The following TMEM25 variants were observed in gnomAD, a reference collection of about 807,000 sequenced individuals.
TMEM25 encodes the protein 0610039J01Rik.
Under a neutral mutation model 37.0 loss-of-function variants are expected in TMEM25, and 36 were observed. That is an observed-to-expected ratio of 0.97 (90% CI 0.75 to 1.28). TMEM25 has a LOEUF of 1.28. Among genes scored for constraint, TMEM25 ranks in the 50% most tolerant of loss-of-function variants. TMEM25 has a pLI of 0.00. For synonymous variants in TMEM25, 197 were observed against 203.7 expected, an observed-to-expected ratio of 0.97 and a Z score of 0.28; for missense variants, 444 against 477.9, an observed-to-expected ratio of 0.93 and a Z score of 0.66.
Position 118,534,218 on chromosome 11 carries a change from T to C in TMEM25, c.938-48T>C, listed in dbSNP as rs376513526. 1.2e-4 allele frequency: 201 copies of C among 1,613,660 alleles called. No individual in the cohort carries two copies. In the African/African-American group the frequency reaches 2.5e-3, roughly 20 times the overall value. ...CTTGGTGCTTGGGAGGGGCGAGGCC[T>C]CATCAGGCACACTCCTCGTCCTGAA... is the stretch of plus-strand genomic sequence containing the variant. On this transcript the variant is annotated intron_variant, in intron 7 of 8. Coordinates refer to ENST00000313236, the MANE Select transcript of TMEM25 (RefSeq NM_032780.4). The surrounding 1 kb of genome is among the most constrained non-coding windows in gnomAD (Gnocchi z 4.6).
In TMEM25 at chr11:118,533,645, C is replaced by G. The variant is rs78082393; in HGVS notation, c.805+94C>G. On this transcript the variant is annotated intron_variant, in intron 5 of 8. Transcript: ENST00000313236. ...GCTGGGCAGAACCAGTCATCTCTGA[C>G]GGTGGCAGAGCACTTCCAGGGGGTG... 1.6e-3 allele frequency: 2,502 copies of G among 1,604,322 alleles called. 31 individuals are homozygous for G. In the African/African-American group the frequency reaches 0.029, roughly 18 times the overall value.
chr11:118,547,256 A>G (rs1335035245), downstream of TMEM25: 1 of 152,212 alleles, frequency 6.6e-6, no homozygotes, highest in Non-Finnish European at 1.5e-5. Context: ...GAAGAACAAA[A>G]TAAGTAAATA....
chr11:118,531,605 GGTCTGTGCCTTTGGGCTTTGCCGTTCGT>G (rs1372819129), intron 1 of TMEM25, 142 bp from the exon 2 acceptor site: 40 of 593,876 alleles, frequency 6.7e-5, no homozygotes, highest in Middle Eastern at 2.6e-4. Context: ...CTGCTGGGTG[GGTCTGTGCCTTTGGGCTTTGCCGTTCGT>G]GTCCGTGCCT....
At chr11:118,536,641 G>A (rs1471513846), downstream of TMEM25, among the ~76,000 whole-genome samples, 1 of 152,108 alleles carries the variant, frequency 6.6e-6, no homozygotes. Flanking sequence ...CCCAATGGCC[G>A]GATTGGCATT....
intron 2 of TMEM25, 103 bp downstream of exon 2, chr11:118,531,974 C>T (rs1355472079): frequency 5.6e-6 from 8 of 1,430,524 alleles, no homozygotes; most frequent in Non-Finnish European, 6.6e-6. Context: ...GCCCCAAGCC[C>T]TGGAGTCCCT....
exon 9 of TMEM25, chr11:118,546,240 G>GT: frequency 1.4e-6 from 1 of 708,988 alleles, no homozygotes; most frequent in East Asian, 2.7e-5. Context: ...CTTCACGCCT[G>GT]TAATACCAGC....
intron 8 of TMEM25, among the ~76,000 whole-genome samples, chr11:118,541,784 G>T (rs149496217): frequency 4.2e-4 from 64 of 151,984 alleles, no homozygotes; most frequent in African/African-American, 1.4e-3. Flanking sequence ...TTAAGACAGG[G>T]TCTCATTCTG....
chr11:118,535,251 A>T lies in TMEM25; in HGVS notation c.*671A>T, dbSNP rs1302298453. 7.6e-6 allele frequency: 9 copies of T among 1,189,992 alleles called. No individual in the cohort carries two copies. The highest frequency in any genetic ancestry group is 9.4e-6 in the Non-Finnish European group (9 of 959,456). The allele number at this position is 1,189,992 out of a possible 1,614,324, so 73.7% of individuals were successfully genotyped here. A position where few individuals can be genotyped will look rare whatever the true frequency, so the allele number is the denominator to read the frequency against. ...CTTCTCTACTACTTCACTGGGCACTAGACTTTTCTATTGGCCTGTGCCATC... is the reference window on the plus strand; with the variant it reads ...CTTCTCTACTACTTCACTGGGCACTTGACTTTTCTATTGGCCTGTGCCATC... On this transcript the variant is annotated 3_prime_UTR_variant, in exon 9 of 9. Transcript: ENST00000313236.
At chr11:118,547,006 A>G (rs903123551), downstream of TMEM25, 8 of 152,222 alleles carry the variant, frequency 5.3e-5, no homozygotes, top group Non-Finnish European at 1.2e-4. Flanking sequence ...ATTTAACAAC[A>G]TATCACTGAT....
At chr11:118,532,014 A>G (rs1396390090) in intron 2 of TMEM25, 136 bp from the exon 3 acceptor site, 1 of 1,362,584 alleles carries the variant, frequency 7.3e-7, no homozygotes. Context: ...CCTAGGTCCA[A>G]CCAGCCAGTC....
chr11:118,538,148 C>A (rs1228839144), downstream of TMEM25, among the ~76,000 whole-genome samples: 4 of 152,062 alleles, frequency 2.6e-5, no homozygotes, highest in African/African-American at 7.2e-5. Context: ...TTCTCCTCAT[C>A]CTCATCAATA....
chr11:118,545,008 A>C (rs1555066698), intron 8 of TMEM25: 2 of 1,608,554 alleles, frequency 1.2e-6, no homozygotes, highest in African/African-American at 2.7e-5. Flanking sequence ...AGAGCTTTAA[A>C]ATGCTGCAAG....
Position 118,534,760 on chromosome 11 carries a change from C to A in TMEM25, c.*180C>A. On this transcript the variant is annotated 3_prime_UTR_variant, in exon 9 of 9. Coordinates refer to ENST00000313236, the MANE Select transcript of TMEM25 (RefSeq NM_032780.4). The surrounding 1 kb of genome is among the most constrained non-coding windows in gnomAD (Gnocchi z 4.6). ...TGATGCATTTCACTGGGCTGTAACC[C>A]GCAGGGGCACAGGTATCTTTGGCAA... is the stretch of plus-strand genomic sequence containing the variant. The A allele has an allele frequency of 7.0e-7, 1 of 1,425,554 alleles. No homozygotes were observed. The highest frequency in any genetic ancestry group is 1.5e-5 in the South Asian group (1 of 65,656). The allele number at this position is 1,425,554 out of a possible 1,614,324, so 88.3% of individuals were successfully genotyped here. A position where few individuals can be genotyped will look rare whatever the true frequency, so the allele number is the denominator to read the frequency against.
chr11:118,540,178 C>T (rs1260920286), downstream of TMEM25, among the ~76,000 whole-genome samples: 1 of 151,756 alleles, frequency 6.6e-6, no homozygotes, highest in East Asian at 2.0e-4. Context: ...GGCGCAATCT[C>T]GGCTCACTGC....
At chr11:118,536,250 A>G (rs1328566573), downstream of TMEM25, among the ~76,000 whole-genome samples, 1 of 148,162 alleles carries the variant, frequency 6.7e-6, no homozygotes, top group African/African-American at 2.5e-5. Flanking sequence ...CTGGAGTGCA[A>G]TGGCGTGATC....
rs140936953 is a variant in TMEM25 at position 118,533,010 on chromosome 11, C to T, written c.476C>T (p.Pro159Leu). The T allele has an allele frequency of 5.6e-6, 9 of 1,614,216 alleles. No homozygotes were observed. The highest frequency in any genetic ancestry group is 5.5e-5 in the South Asian group (5 of 91,090). ...VVLFALVRAN[P>L]PANVTWIDQD... is the part of the protein sequence containing the mutation. Reference sequence around the variant, plus strand: ...CTGTTTGCCCTGGTGCGTGCCAACCCGCCGGCCAATGTCACCTGGATCGAC... The same window carrying T: ...CTGTTTGCCCTGGTGCGTGCCAACCTGCCGGCCAATGTCACCTGGATCGAC... Residue 159 changes from proline to leucine, a missense_variant, in exon 4 of 9, where the codon CCG becomes CTG. Transcript: ENST00000313236.
At position 118,534,445 on chromosome 11, in the gene TMEM25, A is replaced by C; in HGVS notation, c.1028-62A>C. 1 of 1,611,248 alleles carries C rather than the reference A, an allele frequency of 6.2e-7. No individual in the cohort carries two copies. ...CTCCAAGTGCCCAGGAGGCAGAGAG[A>C]GCTCTCCAAATTCCAAGGAACAAGC... is the stretch of plus-strand genomic sequence containing the variant. On this transcript the variant is annotated intron_variant, in intron 8 of 8. Transcript: ENST00000313236. The surrounding 1 kb of genome is among the most constrained non-coding windows in gnomAD (Gnocchi z 4.6).
chr11:118,531,266 G>A (rs781993897), intron 1 of TMEM25, 32 bp downstream of exon 1: 27 of 371,728 alleles, frequency 7.3e-5, no homozygotes, highest in South Asian at 4.8e-4. Flanking sequence ...GGGCGGGGGC[G>A]GGATGCTCGG....
At chr11:118,538,515 T>C (rs1591349175), downstream of TMEM25, among the ~76,000 whole-genome samples, 1 of 152,204 alleles carries the variant, frequency 6.6e-6, no homozygotes, top group East Asian at 1.9e-4. Flanking sequence ...TTGTATCTCA[T>C]TGTGGTTTTG....
Sources: gnomAD v4.1 joint callset for allele counts (sites outside exome capture counted in the v4.1 genomes callset) on GRCh38, gnomAD v4.1.1 for gene constraint, Gnocchi (gnomAD v3.1) non-coding constraint, MANE v1.5 for transcripts, NCBI Gene and HGNC (gene_info 2026-07-23, HGNC 2026-07-21) for gene names.